Variants in CNTNAP4 observed in about 807,000 individuals in gnomAD.
CNTNAP4 encodes contactin associated protein family member 4, also known as contactin-associated protein-like 4.
A neutral mutation model predicts 148.4 loss-of-function variants in CNTNAP4; 98 were observed. That is an observed-to-expected ratio of 0.66 (90% CI 0.56 to 0.78). The LOEUF (loss-of-function observed/expected upper bound fraction) is 0.78, where lower values mean the gene tolerates loss of function less well. Ranked by LOEUF, CNTNAP4 falls within the 30% of genes least tolerant of loss-of-function variation. CNTNAP4 has a pLI of 0.00. For synonymous variants in CNTNAP4, 730 were observed against 565.1 expected (o/e 1.29, Z -4.14); for missense variants, 1,935 against 1,565.6 (o/e 1.24, Z -3.98).
intron 3 of CNTNAP4, among the ~76,000 whole-genome samples, chr16:76,380,436 C>A (rs1035019490): frequency 1.3e-5 from 2 of 152,098 alleles, no homozygotes; most frequent in African/African-American, 4.8e-5. Context: ...CTTCAGATTC[C>A]AAGATTACTT....
intron 7 of CNTNAP4, among the ~76,000 whole-genome samples, chr16:76,451,774 T>C (rs542258507): frequency 3.3e-5 from 5 of 152,082 alleles, no homozygotes; most frequent in African/African-American, 1.2e-4. Context: ...GGTACAAAAA[T>C]ATGATTAGAA....
Position 76,467,489 on chromosome 16 carries a change from G to T in CNTNAP4, c.1621G>T (p.Asp541Tyr), listed in dbSNP as rs1471840961. 5 of 1,613,688 alleles carry T rather than the reference G, an allele frequency of 3.1e-6. No homozygotes were observed. Among genetic ancestry groups the T allele is most frequent in the Non-Finnish European group, 4.2e-6 (5 of 1,179,854 alleles). ...VQQGSLGNFS[D>Y]LQIDSCGISD... The stretch of plus-strand genomic sequence containing the variant: ...GCAGGGGTCCCTTGGGAACTTCAGT[G>T]ACCTTCAGATAGACTCATGTGGCAT... The change falls in exon 10 of 24, where the codon GAC (aspartate) becomes TAC (tyrosine). Residue 541 changes from aspartate to tyrosine, a missense_variant. Transcript: ENST00000611870.
intron 8 of CNTNAP4, among the ~76,000 whole-genome samples, chr16:76,456,074 A>C (rs1174052946): frequency 2.0e-5 from 3 of 151,620 alleles, no homozygotes; most frequent in South Asian, 4.2e-4. Flanking sequence ...TGTAATTGCA[A>C]ACACTTCCAT....
rs934534477 is a variant in CNTNAP4, at chr16:76,462,120, C to T, written c.1483+15C>T. The stretch of plus-strand genomic sequence containing the variant: ...TTATTTTGGAGGTAAGAATAGGTGC[C>T]AGGCTCTATGAGCAACTGAACCATA... On this transcript the variant is annotated intron_variant, in intron 9 of 23. Coordinates refer to ENST00000611870, the MANE Select transcript of CNTNAP4 (RefSeq NM_033401.5). 3.1e-6 allele frequency: 5 copies of T among 1,607,294 alleles called. No individual in the cohort carries two copies. The highest frequency in any genetic ancestry group is 4.3e-6 in the Non-Finnish European group (5 of 1,175,828).
At chr16:76,409,804 A>G (rs1380951756) in intron 3 of CNTNAP4, among the ~76,000 whole-genome samples, 1 of 151,916 alleles carries the variant, frequency 6.6e-6, no homozygotes, top group Non-Finnish European at 1.5e-5. Context: ...TAGTGGGGTG[A>G]CTTGGATGTT....
At chr16:76,460,773 A>AAAAAT in intron 8 of CNTNAP4, among the ~76,000 whole-genome samples, 2 of 57,326 alleles carry the variant, frequency 3.5e-5, no homozygotes, top group African/African-American at 6.4e-5. Flanking sequence ...AAAAAAAAAA[A>AAAAAT]ATATATATAT....
At chr16:76,322,092 C>T (rs1363583089) in intron 2 of CNTNAP4, among the ~76,000 whole-genome samples, 1 of 152,132 alleles carries the variant, frequency 6.6e-6, no homozygotes, top group Non-Finnish European at 1.5e-5. Context: ...AATTTATTTG[C>T]TTCTAGACCA....
intron 1 of CNTNAP4, among the ~76,000 whole-genome samples, chr16:76,288,428 C>A (rs546594885): frequency 6.6e-6 from 1 of 152,090 alleles, no homozygotes; most frequent in South Asian, 2.1e-4. Flanking sequence ...ATTTCTTGGC[C>A]TTTGCATCTG....
At chr16:76,299,914 A>G (rs910332970) in intron 1 of CNTNAP4, among the ~76,000 whole-genome samples, 31 of 152,112 alleles carry the variant, frequency 2.0e-4, no homozygotes, top group African/African-American at 6.7e-4. Context: ...CAAACACCTC[A>G]TGTTCTCACT....
At chr16:76,354,477 C>T (rs1363641983) in intron 2 of CNTNAP4, among the ~76,000 whole-genome samples, 1 of 152,120 alleles carries the variant, frequency 6.6e-6, no homozygotes, top group African/African-American at 2.4e-5. Context: ...TCTTTTCCCC[C>T]ATCCTCTTAC....
intron 1 of CNTNAP4, among the ~76,000 whole-genome samples, chr16:76,311,694 A>G (rs184649813): frequency 6.6e-6 from 1 of 152,286 alleles, no homozygotes; most frequent in East Asian, 1.9e-4. Context: ...TTCTTCTCTA[A>G]TTGAAAGAAA....
chr16:76,489,552 C>T (rs1184175405), intron 12 of CNTNAP4, 134 bp from the exon 13 acceptor site: 1 of 452,116 alleles, frequency 2.2e-6, no homozygotes, highest in East Asian at 3.4e-5. Context: ...TGTGTTGATT[C>T]TACCTCTCAG....
At chr16:76,464,751 C>T (rs986811991) in intron 9 of CNTNAP4, among the ~76,000 whole-genome samples, 33 of 152,290 alleles carry the variant, frequency 2.2e-4, no homozygotes, top group African/African-American at 7.9e-4. Flanking sequence ...ACTAGCAGCA[C>T]TGTGTATATG....
chr16:76,342,720 C>A (rs1964580097), intron 2 of CNTNAP4, among the ~76,000 whole-genome samples: 1 of 151,984 alleles, frequency 6.6e-6, no homozygotes, highest in Non-Finnish European at 1.5e-5. Context: ...GATCTGCCCA[C>A]CTCGGCATAA....
rs1432903239 is a variant in CNTNAP4 at position 76,553,367 on chromosome 16, T to C, written c.3527T>C (p.Val1176Ala). The C allele has an allele frequency of 6.2e-7, 1 of 1,612,918 alleles. No homozygotes were observed. The highest frequency in any genetic ancestry group is 8.5e-7 in the Non-Finnish European group (1 of 1,179,376). The change falls in exon 22 of 24, where the codon GTG becomes GCG. Residue 1176 changes from valine to alanine, a missense_variant. Coordinates refer to ENST00000611870, the MANE Select transcript of CNTNAP4 (RefSeq NM_033401.5). ...GCLSAVQLSHVAPLKAALHPS... is the reference protein window; with the variant it reads ...GCLSAVQLSHAAPLKAALHPS... Reference sequence around the variant, plus strand: ...CTCTCTGCAGTGCAGCTCAGCCACGTGGCCCCTCTGAAGGCAGCTCTGCAC... The same window carrying C: ...CTCTCTGCAGTGCAGCTCAGCCACGCGGCCCCTCTGAAGGCAGCTCTGCAC...
chr16:76,426,994 G>A (rs1175170779), intron 3 of CNTNAP4, among the ~76,000 whole-genome samples: 1 of 152,154 alleles, frequency 6.6e-6, no homozygotes, highest in Non-Finnish European at 1.5e-5. Context: ...TGAGTAAGAT[G>A]AGAAAGTGAA....
In CNTNAP4 at chr16:76,559,942, C is replaced by G. The variant is rs1380788247; in HGVS notation, c.*1259C>G. On this transcript the variant is annotated 3_prime_UTR_variant, in exon 24 of 24. Transcript: ENST00000611870. The stretch of plus-strand genomic sequence containing the variant: ...TGTGAATTTGTCATTCCAGACACTT[C>G]TCGTCTGAAACGATGGGGTGAATTT... 2.6e-5 allele frequency among the ~76,000 whole-genome samples: 4 copies of G among 152,180 alleles called. No individual in the cohort carries two copies. The highest frequency in any genetic ancestry group is 2.0e-4 in the Admixed American group (3 of 15,262).
chr16:76,405,815 C>CT (rs111691424), intron 3 of CNTNAP4, among the ~76,000 whole-genome samples: 8,325 of 148,436 alleles, frequency 0.056, 500 homozygotes, highest in African/African-American at 0.15. Flanking sequence ...AAATTGTCTC[C>CT]TTTTTTTTTT....
At chr16:76,427,107 A>T (rs1194173818) in intron 3 of CNTNAP4, among the ~76,000 whole-genome samples, 1 of 152,120 alleles carries the variant, frequency 6.6e-6, no homozygotes, top group African/African-American at 2.4e-5. Context: ...TATTTTCTCA[A>T]TTTTTTTGGT....
Sources: gnomAD v4.1 joint callset for allele counts (sites outside exome capture counted in the v4.1 genomes callset) on GRCh38, gnomAD v4.1.1 for gene constraint, MANE v1.5 for transcripts, NCBI Gene and HGNC (gene_info 2026-07-23, HGNC 2026-07-21) for gene names.